Variants in SLC24A4 observed in about 807,000 individuals in gnomAD.
SLC24A4 encodes the protein sodium/potassium/calcium exchanger 4.
SLC24A4 carries 53 observed loss-of-function variants against 79.0 expected under a neutral mutation model. That is an observed-to-expected ratio of 0.67 (90% CI 0.54 to 0.84). The LOEUF is 0.84. SLC24A4 is among the 40% of genes least tolerant of loss of function. SLC24A4 has a pLI of 0.00. For synonymous variants in SLC24A4, 323 were observed against 323.8 expected (o/e 1.00, Z 0.03); for missense variants, 731 against 822.0 (o/e 0.89, Z 1.35).
At chr14:92,466,131 A>T (rs1894104561) in intron 12 of SLC24A4, among the ~76,000 whole-genome samples, 1 of 152,186 alleles carries the variant, frequency 6.6e-6, no homozygotes, top group South Asian at 2.1e-4. Context: ...TGCCACTTCT[A>T]GCTGTGTGAG....
intron 2 of SLC24A4, among the ~76,000 whole-genome samples, chr14:92,369,483 A>G (rs1330250548): frequency 6.6e-6 from 1 of 152,240 alleles, no homozygotes; most frequent in African/African-American, 2.4e-5. Context: ...TCTAGAAGAA[A>G]GGAGACTGTG....
chr14:92,357,887 A>T (rs1259157460), intron 2 of SLC24A4, among the ~76,000 whole-genome samples: 1 of 152,248 alleles, frequency 6.6e-6, no homozygotes, highest in South Asian at 2.1e-4. Context: ...AATATATTGC[A>T]TTTCAAAATT....
intron 12 of SLC24A4, among the ~76,000 whole-genome samples, chr14:92,463,127 ATTATAG>A (rs1478812632): frequency 6.6e-6 from 1 of 152,168 alleles, no homozygotes; most frequent in Non-Finnish European, 1.5e-5. Context: ...CTCTTCTGTT[ATTATAG>A]CAAAACCCGG....
At chr14:92,447,831 C>T (rs141901737) in intron 9 of SLC24A4, among the ~76,000 whole-genome samples, 205 of 152,336 alleles carry the variant, frequency 1.3e-3, no homozygotes, top group African/African-American at 4.7e-3. Context: ...CCCCAGGCTT[C>T]ATAAAATGCC....
intron 2 of SLC24A4, among the ~76,000 whole-genome samples, chr14:92,399,673 G>A (rs555842081): frequency 6.6e-6 from 1 of 152,130 alleles, no homozygotes; most frequent in Non-Finnish European, 1.5e-5. Context: ...CTGGTTTTGC[G>A]CTATGAAGGG....
chr14:92,326,445 C>A (rs958527266), intron 2 of SLC24A4, among the ~76,000 whole-genome samples: 1 of 151,708 alleles, frequency 6.6e-6, no homozygotes, highest in Non-Finnish European at 1.5e-5. Context: ...GGTGCTGCGG[C>A]TGTTTCTCTC....
At position 92,454,026 on chromosome 14, in the gene SLC24A4, C is replaced by T; in HGVS notation, c.1007C>T (p.Pro336Leu). Residue 336 changes from proline to leucine, a missense_variant, in exon 11 of 17, where the codon CCC becomes CTC. By Grantham distance (98) the Pro-to-Leu change is moderately conservative. Transcript: ENST00000532405. Reference protein sequence around the residue: ...LRIMITNKFGPRTRLRMASRI... With the variant: ...LRIMITNKFGLRTRLRMASRI... ...ATCATGATCACCAATAAGTTTGGAC[C>T]CAGGACCCGACTACGGATGGCCAGC... 6.2e-7 allele frequency: 1 copy of T among 1,613,666 alleles called. No individual in the cohort carries two copies. Among genetic ancestry groups the T allele is most frequent in the Non-Finnish European group, 8.5e-7 (1 of 1,179,784 alleles).
At chr14:92,381,891 G>A (rs943513383) in intron 2 of SLC24A4, among the ~76,000 whole-genome samples, 38 of 152,304 alleles carry the variant, frequency 2.5e-4, no homozygotes, top group East Asian at 1.2e-3. Flanking sequence ...ATTGTAAGGC[G>A]GAGAGCCCTG....
intron 2 of SLC24A4, among the ~76,000 whole-genome samples, chr14:92,370,631 C>CA (rs1888100474): frequency 6.6e-6 from 1 of 151,786 alleles, no homozygotes; most frequent in Non-Finnish European, 1.5e-5. Context: ...TAGGAAGGTT[C>CA]AAAATAAGCA....
chr14:92,369,584 T>C (rs1446615870), intron 2 of SLC24A4, among the ~76,000 whole-genome samples: 1 of 152,220 alleles, frequency 6.6e-6, no homozygotes, highest in East Asian at 1.9e-4. Context: ...TGGAGAAATC[T>C]TAATATGTGC....
intron 2 of SLC24A4, among the ~76,000 whole-genome samples, chr14:92,368,498 G>A (rs1475115680): frequency 6.6e-6 from 1 of 152,072 alleles, no homozygotes; most frequent in Non-Finnish European, 1.5e-5. Flanking sequence ...TTTAAACATC[G>A]AAGAACACAG....
intron 2 of SLC24A4, among the ~76,000 whole-genome samples, chr14:92,339,594 C>T (rs570895987): frequency 2.4e-4 from 36 of 152,250 alleles, no homozygotes; most frequent in Non-Finnish European, 4.0e-4. Context: ...GAGGCTTTGC[C>T]GGGGTAGGCG....
At chr14:92,343,473 C>T (rs1255947265) in intron 2 of SLC24A4, among the ~76,000 whole-genome samples, 1 of 152,164 alleles carries the variant, frequency 6.6e-6, no homozygotes, top group Non-Finnish European at 1.5e-5. Context: ...ATTTTTCCAG[C>T]CAGCTTCTCT....
rs568452130 is a variant in SLC24A4, at chr14:92,428,437, A to G, written c.242-5475A>G. 2.0e-5 allele frequency among the ~76,000 whole-genome samples: 3 copies of G among 152,330 alleles called. No homozygotes were observed. The South Asian group carries it at 6.2e-4, about 32-fold the overall frequency. ...TCTAGGGTCCCTGAGGGGGAGGTTC[A>G]TGGGAGGAAATAGAGAAGGACATTG... On this transcript the variant is annotated intron_variant, in intron 2 of 16. Coordinates refer to ENST00000532405, the MANE Select transcript of SLC24A4 (RefSeq NM_153646.4).
At chr14:92,338,242 T>C (rs942501951) in intron 2 of SLC24A4, among the ~76,000 whole-genome samples, 3 of 152,222 alleles carry the variant, frequency 2.0e-5, no homozygotes, top group Non-Finnish European at 2.9e-5. Flanking sequence ...TTATTCTGCC[T>C]ATCTGAGCCT....
intron 2 of SLC24A4, among the ~76,000 whole-genome samples, chr14:92,394,056 G>A (rs750412766): frequency 6.7e-6 from 1 of 149,560 alleles, no homozygotes; most frequent in Non-Finnish European, 1.5e-5. Flanking sequence ...TGTTGCCCAG[G>A]CTGGTCTTGA....
At chr14:92,325,600 A>G (rs572590537) in intron 1 of SLC24A4, among the ~76,000 whole-genome samples, 2 of 152,312 alleles carry the variant, frequency 1.3e-5, no homozygotes, top group East Asian at 1.9e-4. Context: ...TGTTGCACCT[A>G]TGAGGTGCTG....
At chr14:92,433,761 G>A in intron 2 of SLC24A4, 151 bp from the exon 3 acceptor site, 1 of 682,150 alleles carries the variant, frequency 1.5e-6, no homozygotes, top group East Asian at 2.6e-5. Flanking sequence ...GCACTGGTCT[G>A]CCCCTGGACT....
intron 12 of SLC24A4, among the ~76,000 whole-genome samples, chr14:92,479,361 A>G (rs1044185874): frequency 6.6e-6 from 1 of 152,196 alleles, no homozygotes; most frequent in African/African-American, 2.4e-5. Context: ...GATGCCCTTT[A>G]TCCAGTTGAG....
Sources: gnomAD v4.1 joint callset for allele counts (sites outside exome capture counted in the v4.1 genomes callset) on GRCh38, gnomAD v4.1.1 for gene constraint, MANE v1.5 for transcripts, NCBI Gene and HGNC (gene_info 2026-07-23, HGNC 2026-07-21) for gene names.